The following KIF16B variants were observed in gnomAD, a reference collection of about 807,000 sequenced individuals.
The protein encoded by KIF16B is kinesin family member 16B.
A neutral mutation model predicts 156.3 loss-of-function variants in KIF16B; 98 were observed. That is an observed-to-expected ratio of 0.63 (90% CI 0.53 to 0.74). The LOEUF is 0.74. Ranked by LOEUF, KIF16B falls within the 30% of genes least tolerant of loss-of-function variation. The probability of loss-of-function intolerance (pLI) is 0.00; values close to 1 mark genes in which losing one functional copy is unlikely to be tolerated. For synonymous variants in KIF16B, 564 were observed against 583.7 expected, an observed-to-expected ratio of 0.97 and a Z score of 0.49; for missense variants, 1,421 against 1,606.5, an observed-to-expected ratio of 0.88 and a Z score of 1.97.
chr20:16,511,872 CA>C (rs1460950095), intron 5 of KIF16B, among the ~76,000 whole-genome samples: 2 of 152,104 alleles, frequency 1.3e-5, no homozygotes, highest in African/African-American at 4.8e-5. Flanking sequence ...GACATTAGGC[CA>C]GGGGTGGTGG....
In KIF16B at chr20:16,313,668, T is replaced by C. The variant is rs77352326; in HGVS notation, c.3712-1250A>G. On this transcript the variant is annotated intron_variant, in intron 24 of 25. Transcript: ENST00000354981. ...TGGTTTTTCCTACTTTTGAACTTCA[T>C]GCAAAAGATGTCATACAGTATGAAC... Among the ~76,000 whole-genome samples, 103 of 152,336 alleles carry C rather than the reference T, an allele frequency of 6.8e-4. 1 individual carries two copies. In the East Asian group the frequency reaches 0.011, roughly 17 times the overall value.
intron 12 of KIF16B, among the ~76,000 whole-genome samples, chr20:16,446,718 G>A (rs1054704392): frequency 6.6e-6 from 1 of 152,092 alleles, no homozygotes; most frequent in East Asian, 1.9e-4. Flanking sequence ...ATTCTAAACA[G>A]GGAAAATGCT....
At chr20:16,352,572 A>G (rs2064358550) in intron 23 of KIF16B, among the ~76,000 whole-genome samples, 1 of 152,194 alleles carries the variant, frequency 6.6e-6, no homozygotes. Context: ...TCCCTGGAAC[A>G]TTCCCTTAAC....
chr20:16,488,288 C>T (rs532804238), intron 12 of KIF16B, among the ~76,000 whole-genome samples: 1 of 152,376 alleles, frequency 6.6e-6, no homozygotes, highest in South Asian at 2.1e-4. Flanking sequence ...CTCCCTTCTG[C>T]CGCACCATCT....
chr20:16,504,050 T>G (rs1373984038), intron 10 of KIF16B, among the ~76,000 whole-genome samples: 4 of 152,188 alleles, frequency 2.6e-5, no homozygotes, highest in Admixed American at 6.5e-5. Flanking sequence ...TAAATACTAT[T>G]CTAAGCATAT....
rs2063631362 is a variant in KIF16B, at chr20:16,312,318, C to T, written c.3795+17G>A. On this transcript the variant is annotated intron_variant, in intron 25 of 25. Transcript: ENST00000354981. ...ATTTTCTACATACACAGAGGAAAAA[C>T]AGCTTAATTCTGTTACCTCTAAGTG... The T allele has an allele frequency of 6.3e-7, 1 of 1,585,058 alleles. No homozygotes were observed. The highest frequency in any genetic ancestry group is 8.7e-7 in the Non-Finnish European group (1 of 1,154,656).
At chr20:16,499,669 A>G (rs1315654520) in intron 10 of KIF16B, among the ~76,000 whole-genome samples, 1 of 152,180 alleles carries the variant, frequency 6.6e-6, no homozygotes, top group Non-Finnish European at 1.5e-5. Flanking sequence ...ATTTTACAGA[A>G]TCCATTGTTG....
At chr20:16,341,331 T>C (rs1447095534) in intron 23 of KIF16B, among the ~76,000 whole-genome samples, 1 of 152,310 alleles carries the variant, frequency 6.6e-6, no homozygotes, top group East Asian at 1.9e-4. Flanking sequence ...CTAACAATGA[T>C]GTTATAAACT....
At chr20:16,521,850 GAT>G (rs1186866338) in intron 3 of KIF16B, among the ~76,000 whole-genome samples, 2 of 152,200 alleles carry the variant, frequency 1.3e-5, no homozygotes, top group Non-Finnish European at 2.9e-5. Context: ...TGCCAGAAGA[GAT>G]TGGGGGCCAA....
At chr20:16,330,077 C>T (rs2122887849) in intron 24 of KIF16B, among the ~76,000 whole-genome samples, 1 of 152,300 alleles carries the variant, frequency 6.6e-6, no homozygotes, top group Non-Finnish European at 1.5e-5. Flanking sequence ...CTGCTCTCAA[C>T]CCCAACTTCC....
chr20:16,439,690 T>C (rs1376080013), intron 12 of KIF16B, among the ~76,000 whole-genome samples: 3 of 152,180 alleles, frequency 2.0e-5, no homozygotes, highest in Admixed American at 1.3e-4. Flanking sequence ...AATGGACTTA[T>C]GGTTCCACGT....
chr20:16,430,270 G>A (rs2066463351), intron 12 of KIF16B, among the ~76,000 whole-genome samples: 2 of 152,116 alleles, frequency 1.3e-5, no homozygotes, highest in Admixed American at 6.6e-5. Context: ...AAACTACAAA[G>A]TAAACTTTCT....
In KIF16B at chr20:16,573,380, C is replaced by G; in HGVS notation, c.-105G>C. 1.6e-6 allele frequency: 2 copies of G among 1,257,430 alleles called. No homozygotes were observed. The highest frequency in any genetic ancestry group is 2.7e-5 in the South Asian group (2 of 73,570). 77.9% of individuals were successfully genotyped at this position (1,257,430 alleles called of 1,614,324 possible). Reference sequence around the variant, plus strand: ...GCGGCTCCCGCCCACTTCCCTCTCGCCCCCGCCCCTCTGCTCCCGGCCGGA... The same window carrying G: ...GCGGCTCCCGCCCACTTCCCTCTCGGCCCCGCCCCTCTGCTCCCGGCCGGA... On this transcript the variant is annotated 5_prime_UTR_variant, in exon 1 of 26. Transcript: ENST00000354981.
chr20:16,467,148 C>T (rs1439486931), intron 12 of KIF16B, among the ~76,000 whole-genome samples: 2 of 152,176 alleles, frequency 1.3e-5, no homozygotes, highest in Non-Finnish European at 2.9e-5. Flanking sequence ...AGAAAATAAC[C>T]CAACTTCAGC....
intron 24 of KIF16B, among the ~76,000 whole-genome samples, chr20:16,332,189 C>A (rs1466721514): frequency 6.6e-6 from 1 of 152,088 alleles, no homozygotes; most frequent in Non-Finnish European, 1.5e-5. Flanking sequence ...TGGCCTGGGA[C>A]TGGCTTCTGC....
intron 25 of KIF16B, among the ~76,000 whole-genome samples, chr20:16,295,373 T>C (rs2063369358): frequency 6.6e-6 from 1 of 152,080 alleles, no homozygotes; most frequent in Non-Finnish European, 1.5e-5. Context: ...CAATTCTATC[T>C]AGATAAATCT....
At chr20:16,410,727 C>A (rs2065932540) in intron 15 of KIF16B, among the ~76,000 whole-genome samples, 1 of 152,106 alleles carries the variant, frequency 6.6e-6, no homozygotes, top group African/African-American at 2.4e-5. Context: ...TGCTGATAAG[C>A]AATCACCTGG....
chr20:16,513,534 C>A (rs909578567), intron 4 of KIF16B, among the ~76,000 whole-genome samples: 15 of 151,992 alleles, frequency 9.9e-5, no homozygotes, highest in African/African-American at 3.6e-4. Context: ...GTGGCACATG[C>A]CTGTAATCCC....
At chr20:16,520,018 G>A (rs189732944) in intron 3 of KIF16B, among the ~76,000 whole-genome samples, 26 of 152,168 alleles carry the variant, frequency 1.7e-4, no homozygotes, top group African/African-American at 5.5e-4. Context: ...CACAGTCTTC[G>A]CAACTCGCAG....
Sources: gnomAD v4.1 joint callset for allele counts (sites outside exome capture counted in the v4.1 genomes callset) on GRCh38, gnomAD v4.1.1 for gene constraint, MANE v1.5 for transcripts, NCBI Gene and HGNC (gene_info 2026-07-23, HGNC 2026-07-21) for gene names.